Variants in TRPM7 observed in about 807,000 individuals in gnomAD.
TRPM7 encodes LTRPC ion channel family member 7.
TRPM7 carries 134 observed loss-of-function variants against 229.7 expected under a neutral mutation model. The ratio of observed to expected loss-of-function variants is 0.58; its 90% CI spans 0.51 to 0.67. The LOEUF (loss-of-function observed/expected upper bound fraction) is 0.67, where lower values mean the gene tolerates loss of function less well. Ranked by LOEUF, TRPM7 falls within the 30% of genes least tolerant of loss-of-function variation. The probability of loss-of-function intolerance (pLI) is 0.00; values close to 1 mark genes in which losing one functional copy is unlikely to be tolerated. For missense variants in TRPM7, 1,901 were observed against 2,210.0 expected (o/e 0.86, Z 2.80); for synonymous variants, 699 against 715.2 (o/e 0.98, Z 0.36).
In TRPM7 at chr15:50,648,675, T is replaced by C. The variant is rs750061919; in HGVS notation, c.321+12A>G. On this transcript the variant is annotated intron_variant, in intron 4 of 38. Transcript: ENST00000646667. ...ACAACATAAATGAAGAAAAATCCAA[T>C]ATGTGACATACCTTAGCTCTGTAGG... is the stretch of plus-strand genomic sequence containing the variant. The C allele has an allele frequency of 3.2e-6, 5 of 1,572,300 alleles. No homozygotes were observed. The highest frequency in any genetic ancestry group is 3.8e-5 in the Admixed American group (2 of 53,326).
rs137986158 is a variant in TRPM7, at chr15:50,653,792, C to T, written c.122+3989G>A. On this transcript the variant is annotated intron_variant, in intron 3 of 38. Transcript: ENST00000646667. ...TCTCACATGGGGATTCACCATGGGT[C>T]TTTGGCCATGGTCTAAGGTGTATCT... Among the ~76,000 whole-genome samples, 221 of 152,256 alleles carry T rather than the reference C, an allele frequency of 1.5e-3. 2 individuals carry two copies. Among genetic ancestry groups the T allele is most frequent in the African/African-American group, 5.3e-3 (219 of 41,558 alleles).
At chr15:50,626,609 T>C (rs1269303180) in intron 11 of TRPM7, among the ~76,000 whole-genome samples, 1 of 152,192 alleles carries the variant, frequency 6.6e-6, no homozygotes, top group Non-Finnish European at 1.5e-5. Context: ...ACACAGAAGA[T>C]AAATGCTTCA....
At chr15:50,618,145 G>C (rs1030183357) in intron 13 of TRPM7, among the ~76,000 whole-genome samples, 18 of 152,088 alleles carry the variant, frequency 1.2e-4, no homozygotes, top group Non-Finnish European at 2.4e-4. Flanking sequence ...TAAAAGTGGT[G>C]ATAAACGTTT....
intron 11 of TRPM7, among the ~76,000 whole-genome samples, chr15:50,627,147 T>C (rs1002034214): frequency 6.6e-6 from 1 of 152,184 alleles, no homozygotes; most frequent in African/African-American, 2.4e-5. Context: ...GATTACTACC[T>C]ACCAAGCTGT....
At chr15:50,565,476 C>T (rs1429300114) in intron 38 of TRPM7, among the ~76,000 whole-genome samples, 1 of 151,820 alleles carries the variant, frequency 6.6e-6, no homozygotes, top group Non-Finnish European at 1.5e-5. Flanking sequence ...AAGTATACGT[C>T]AAAATAAGGA....
chr15:50,622,109 TTA>T (rs1292336812), intron 12 of TRPM7, among the ~76,000 whole-genome samples: 1 of 152,086 alleles, frequency 6.6e-6, no homozygotes, highest in Non-Finnish European at 1.5e-5. Context: ...GAACAAATAT[TTA>T]TGTTAATATG....
At chr15:50,678,822 G>A (rs2062162396) in intron 1 of TRPM7, among the ~76,000 whole-genome samples, 1 of 152,054 alleles carries the variant, frequency 6.6e-6, no homozygotes, top group Admixed American at 6.6e-5. Flanking sequence ...TTAAGCCCAG[G>A]AGTTCAAGAT....
At chr15:50,668,265 A>G (rs1014749558) in intron 1 of TRPM7, among the ~76,000 whole-genome samples, 1 of 152,238 alleles carries the variant, frequency 6.6e-6, no homozygotes, top group African/African-American at 2.4e-5. Context: ...ACGTGTATCA[A>G]ACAGGAGTTA....
chr15:50,609,668 C>T lies in TRPM7; in HGVS notation c.2493G>A (p.Glu831=). Reference sequence around the variant, plus strand: ...GAAGCTTTTTTGATTTCATTTGTATCTCCATCTCATTCTTTCCTTCATTAC... The same window carrying T: ...GAAGCTTTTTTGATTTCATTTGTATTTCCATCTCATTCTTTCCTTCATTAC... ...LDSNEGKNEM[E]IQMKSKKLPI... is the part of the protein sequence containing the mutation. Residue 831 remains glutamate (E), a synonymous_variant, in exon 19 of 39, where the codon GAG becomes GAA. Transcript: ENST00000646667. 6.2e-7 allele frequency: 1 copy of T among 1,611,214 alleles called. No individual in the cohort carries two copies. Among genetic ancestry groups the T allele is most frequent in the Non-Finnish European group, 8.5e-7 (1 of 1,178,420 alleles).
intron 38 of TRPM7, 122 bp from the exon 39 acceptor site, chr15:50,561,930 T>C: frequency 9.6e-7 from 1 of 1,045,822 alleles, no homozygotes; most frequent in Non-Finnish European, 1.3e-6. Flanking sequence ...GTTTCGCTCT[T>C]GTTGCCCAAG....
intron 21 of TRPM7, 199 bp from the exon 22 acceptor site, chr15:50,599,495 A>C (rs1255991085): frequency 7.1e-6 from 3 of 423,218 alleles, no homozygotes; most frequent in African/African-American, 6.1e-5. Context: ...ATTACGTAAA[A>C]AAAAATCTAT....
Position 50,609,723 on chromosome 15 carries a change from T to A in TRPM7, c.2438A>T (p.Glu813Val). The A allele has an allele frequency of 6.4e-7, 1 of 1,556,298 alleles. No individual in the cohort carries two copies. Reference sequence around the variant, plus strand: ...CAAAATCCGTACTTCTTTAAACACTTCCTAAAATTAAAAAAAAAAAAATTC... The same window carrying A: ...CAAAATCCGTACTTCTTTAAACACTACCTAAAATTAAAAAAAAAAAAATTC... ...FQNITEEIPM[E>V]VFKEVRILDS... Residue 813 changes from glutamate to valine, a missense_variant and splice_region_variant, in exon 19 of 39, where the codon GAA becomes GTA. Glu to Val is a moderately radical substitution (Grantham distance 121, BLOSUM62 -2). Around this residue, in one of 8 missense-constraint regions of TRPM7, gnomAD observed 207 missense variants for 241.5 expected, o/e 0.86. Transcript: ENST00000646667.
rs771959906 is a variant in TRPM7 at position 50,612,843 on chromosome 15, TAA to T, written c.1771-16_1771-15del. The T allele has an allele frequency of 1.0e-4, 167 of 1,599,854 alleles. No homozygotes were observed. The Middle Eastern group carries it at 1.5e-3, about 14-fold the overall frequency. On this transcript the variant is annotated splice_polypyrimidine_tract_variant and intron_variant, in intron 15 of 38. Transcript: ENST00000646667. The stretch of plus-strand genomic sequence containing the variant: ...AACTGTATCAATCTTCCAGGGAAAA[TAA>T]AGTTATAAAGCTCATTATAATAAGG...
chr15:50,612,616 T>C lies in TRPM7; in HGVS notation c.1984A>G (p.Met662Val). The C allele has an allele frequency of 2.5e-6, 4 of 1,614,146 alleles. No individual in the cohort carries two copies. Among genetic ancestry groups the C allele is most frequent in the Non-Finnish European group, 2.5e-6 (3 of 1,179,994 alleles). ...ALVACKIYRS[M>V]AYEAKQSDLV... ...TCACTCTGCTTTGCTTCATATGCCA[T>C]TGAACGATAGATCTTACAGGCAACT... The change falls in exon 16 of 39, where the codon ATG (methionine) becomes GTG (valine). Residue 662 changes from methionine to valine, a missense_variant. Around this residue, in one of 8 missense-constraint regions of TRPM7, gnomAD observed 794 missense variants for 881.9 expected, o/e 0.90. Transcript: ENST00000646667.
intron 1 of TRPM7, among the ~76,000 whole-genome samples, chr15:50,685,785 C>G (rs1203645815): frequency 6.6e-6 from 1 of 152,162 alleles, no homozygotes; most frequent in Non-Finnish European, 1.5e-5. Flanking sequence ...CCGCCTCCCT[C>G]TCTCCATTCC....
At chr15:50,604,291 A>G (rs1166444518) in intron 21 of TRPM7, 3 of 152,252 alleles carry the variant, frequency 2.0e-5, no homozygotes, top group Non-Finnish European at 4.4e-5. Flanking sequence ...GCCTGGATCA[A>G]GCAGGGTGTG....
intron 1 of TRPM7, among the ~76,000 whole-genome samples, chr15:50,681,567 C>A (rs1156920471): frequency 1.3e-5 from 2 of 152,168 alleles, no homozygotes; most frequent in Admixed American, 1.3e-4. Context: ...TACCAAACTG[C>A]CAGCAGAAAG....
rs150074317 is a variant in TRPM7, at chr15:50,586,298, C to T, written c.4486+94G>A. On this transcript the variant is annotated intron_variant, in intron 28 of 38. Coordinates refer to ENST00000646667, the MANE Select transcript of TRPM7 (RefSeq NM_017672.6). Reference sequence around the variant, plus strand: ...GAATTTTCGTCTTCTGACTCCTGCACCATTCACTGCTCATGTGTTTGACAA... The same window carrying T: ...GAATTTTCGTCTTCTGACTCCTGCATCATTCACTGCTCATGTGTTTGACAA... 6.3e-3 allele frequency: 5,011 copies of T among 790,074 alleles called. 35 individuals are homozygous for T. The highest frequency in any genetic ancestry group is 0.015 in the Middle Eastern group (48 of 3,130). The allele number at this position is 790,074 out of a possible 1,614,324, so 48.9% of individuals were successfully genotyped here.
chr15:50,655,457 A>C (rs12911754), intron 3 of TRPM7, among the ~76,000 whole-genome samples: 5 of 143,034 alleles, frequency 3.5e-5, no homozygotes, highest in African/African-American at 1.2e-4. Context: ...ACAAAAAAAC[A>C]AAAAACCTTC....
Sources: gnomAD v4.1 joint callset for allele counts (sites outside exome capture counted in the v4.1 genomes callset) on GRCh38, gnomAD v4.1.1 for gene constraint, gnomAD v4.1.1 regional missense constraint, MANE v1.5 for transcripts, NCBI Gene and HGNC (gene_info 2026-07-23, HGNC 2026-07-21) for gene names.